Variants in SH3TC2 observed in about 807,000 individuals in gnomAD.
SH3TC2 encodes the protein SH3 domain and tetratricopeptide repeats 2.
SH3TC2 carries 87 observed loss-of-function variants against 124.5 expected under a neutral mutation model. The observed-to-expected ratio is 0.70, with a 90% CI of 0.59 to 0.84. SH3TC2 has a LOEUF of 0.84. SH3TC2 is among the 40% of genes least tolerant of loss of function. The pLI, the probability that SH3TC2 is intolerant of heterozygous loss-of-function variation, is 0.00. For synonymous variants in SH3TC2, 634 were observed against 628.5 expected, an observed-to-expected ratio of 1.01 and a Z score of -0.13; for missense variants, 1,536 against 1,566.4, an observed-to-expected ratio of 0.98 and a Z score of 0.33.
intron 4 of SH3TC2, 77 bp from the exon 5 acceptor site, chr5:149,042,914 TC>T (rs1754396958): frequency 6.4e-7 from 1 of 1,571,118 alleles, no homozygotes; most frequent in African/African-American, 1.4e-5. Context: ...GTGAGAAAAT[TC>T]CCTCCTGAGC....
chr5:149,003,739 T>A lies in SH3TC2; in HGVS notation c.*972A>T. 2.3e-6 allele frequency: 1 copy of A among 440,186 alleles called. No homozygotes were observed. The highest frequency in any genetic ancestry group is 1.6e-5 in the South Asian group (1 of 61,738). 27.3% of individuals were successfully genotyped at this position (440,186 alleles called of 1,614,324 possible). A position where few individuals can be genotyped will look rare whatever the true frequency, so the allele number is the denominator to read the frequency against. The stretch of plus-strand genomic sequence containing the variant: ...TATGGCACATGCCTGTAGTTCCAGC[T>A]ACTCAGGAGGTTGACACTGGAGGAT... On this transcript the variant is annotated 3_prime_UTR_variant, in exon 17 of 17. Coordinates refer to ENST00000515425, the MANE Select transcript of SH3TC2 (RefSeq NM_024577.4).
At chr5:149,059,302 T>A (rs190519406) in intron 1 of SH3TC2, among the ~76,000 whole-genome samples, 269 of 152,148 alleles carry the variant, frequency 1.8e-3, no homozygotes, top group African/African-American at 6.2e-3. Flanking sequence ...TTCTCTACAT[T>A]AACCTGACCT....
At chr5:149,030,113 T>C (rs1754158113) in intron 9 of SH3TC2, among the ~76,000 whole-genome samples, 1 of 152,214 alleles carries the variant, frequency 6.6e-6, no homozygotes, top group Admixed American at 6.5e-5. Flanking sequence ...TCAAATGCCC[T>C]GGCCTCTCTG....
At chr5:149,033,551 G>A (rs1428504568) in intron 8 of SH3TC2, among the ~76,000 whole-genome samples, 6 of 152,178 alleles carry the variant, frequency 3.9e-5, no homozygotes, top group African/African-American at 1.4e-4. Flanking sequence ...CTTCAGAACT[G>A]GGGTTGACCT....
chr5:149,057,989 A>G (rs1384133782), intron 1 of SH3TC2, among the ~76,000 whole-genome samples: 2 of 152,232 alleles, frequency 1.3e-5, no homozygotes, highest in African/African-American at 4.8e-5. Flanking sequence ...ACTAGAAGCT[A>G]TGAATATGAC....
intron 12 of SH3TC2, among the ~76,000 whole-genome samples, chr5:149,017,235 G>A (rs927704246): frequency 2.6e-5 from 4 of 152,116 alleles, no homozygotes; most frequent in African/African-American, 9.7e-5. Flanking sequence ...AATATTTGTT[G>A]AATTGATTTA....
At position 148,991,122 on chromosome 5, in the gene SH3TC2, A is replaced by G. The variant is rs1580877993; in HGVS notation, c.*13589T>C. ...CCCAAAACGTTTAATATGACCCTTT[A>G]AAACACCAGGAACATTCACAGCAAA... On this transcript the variant is annotated 3_prime_UTR_variant, in exon 17 of 17. Coordinates refer to ENST00000515425, the MANE Select transcript of SH3TC2 (RefSeq NM_024577.4). Among the ~76,000 whole-genome samples, 1 of 152,190 alleles carries G rather than the reference A, an allele frequency of 6.6e-6. No homozygotes were observed. Among genetic ancestry groups the G allele is most frequent in the Non-Finnish European group, 1.5e-5 (1 of 68,028 alleles).
chr5:149,012,850 G>A, intron 12 of SH3TC2, 116 bp from the exon 13 acceptor site: 1 of 1,188,924 alleles, frequency 8.4e-7, no homozygotes, highest in Middle Eastern at 1.9e-4. Context: ...CATCACACAG[G>A]GAGGTGGGCC....
chr5:149,051,641 A>C (rs1018227282), intron 2 of SH3TC2, among the ~76,000 whole-genome samples: 1 of 151,966 alleles, frequency 6.6e-6, no homozygotes, highest in Admixed American at 6.6e-5. Flanking sequence ...TTGTTTAGGG[A>C]TCAGGTCTCA....
chr5:149,042,572 G>T, intron 5 of SH3TC2, 122 bp downstream of exon 5: 1 of 1,224,040 alleles, frequency 8.2e-7, no homozygotes, highest in Non-Finnish European at 1.2e-6. Flanking sequence ...TAACAGGTGG[G>T]TTCATTTGTG....
At chr5:149,038,014 A>C (rs1754311402) in intron 8 of SH3TC2, among the ~76,000 whole-genome samples, 1 of 152,156 alleles carries the variant, frequency 6.6e-6, no homozygotes, top group Non-Finnish European at 1.5e-5. Flanking sequence ...TCCAAGTACC[A>C]AAACCACACC....
Position 149,031,660 on chromosome 5 carries a change from A to C in SH3TC2, c.1029T>G (p.Asp343Glu). 1 of 1,614,172 alleles carries C rather than the reference A, an allele frequency of 6.2e-7. No homozygotes were observed. Among genetic ancestry groups the C allele is most frequent in the Non-Finnish European group, 8.5e-7 (1 of 1,180,032 alleles). ...GGGCCAACAGGGAGCATCTCTCCTCATCACTGAGAAAGGCAGAGTTCCTGC... is the reference window on the plus strand; with the variant it reads ...GGGCCAACAGGGAGCATCTCTCCTCCTCACTGAGAAAGGCAGAGTTCCTGC... ...PMSRNSAFLS[D>E]EERCSLLALG... The change falls in exon 9 of 17, where the codon GAT (aspartate) becomes GAG (glutamate). Residue 343 changes from aspartate to glutamate, a missense_variant. By Grantham distance (45) the Asp-to-Glu change is conservative. Around this residue, in one of 3 missense-constraint regions of SH3TC2, gnomAD observed 1,102 missense variants for 1,098.6 expected, o/e 1.00. Coordinates refer to ENST00000515425, the MANE Select transcript of SH3TC2 (RefSeq NM_024577.4).
Position 149,052,240 on chromosome 5 carries a change from C to G in SH3TC2, c.53G>C (p.Gly18Ala). ...PRERSLTRGP[G>A]KETPSKDPTV... ...TGGATCCTTGGAAGGAGTTTCTTTA[C>G]CTGGAGAAGATGAAATAAAAGGTCA... The change falls in exon 2 of 17, where the codon GGT (glycine) becomes GCT (alanine). Residue 18 changes from glycine to alanine, a missense_variant and splice_region_variant. Gly to Ala is a moderately conservative substitution (Grantham distance 60). This residue lies in a region of SH3TC2 where 1,102 missense variants were observed against 1,098.6 expected (regional missense o/e 1.00). Coordinates refer to ENST00000515425, the MANE Select transcript of SH3TC2 (RefSeq NM_024577.4). 6.2e-7 allele frequency: 1 copy of G among 1,601,390 alleles called. No homozygotes were observed. The highest frequency in any genetic ancestry group is 8.6e-7 in the Non-Finnish European group (1 of 1,168,586).
At chr5:149,008,152 T>A (rs1753723046) in intron 15 of SH3TC2, 1 of 154,426 alleles carries the variant, frequency 6.5e-6, no homozygotes, top group Non-Finnish European at 1.4e-5. Flanking sequence ...CAGAAGACCC[T>A]CCTGGAATCA....
chr5:149,016,353 A>C (rs1169802809), intron 12 of SH3TC2, among the ~76,000 whole-genome samples: 1 of 152,182 alleles, frequency 6.6e-6, no homozygotes, highest in Admixed American at 6.5e-5. Context: ...ACTTGGGAAG[A>C]CTTTTGTTTC....
intron 12 of SH3TC2, among the ~76,000 whole-genome samples, chr5:149,020,113 A>AACACACAC (rs56088659): frequency 0.018 from 2,683 of 146,872 alleles, 54 homozygotes; most frequent in African/African-American, 0.053. Flanking sequence ...GAAAAGGTCA[A>AACACACAC]ACACACACAC....
At chr5:149,030,044 G>T (rs1754156898) in intron 9 of SH3TC2, among the ~76,000 whole-genome samples, 1 of 152,152 alleles carries the variant, frequency 6.6e-6, no homozygotes, top group Non-Finnish European at 1.5e-5. Flanking sequence ...AACCCCCAGA[G>T]GGTAGAAAGC....
chr5:149,020,447 G>A (rs76868782), intron 12 of SH3TC2, among the ~76,000 whole-genome samples: 4,988 of 152,082 alleles, frequency 0.033, 314 homozygotes, highest in Admixed American at 0.16. Flanking sequence ...TTAATACAGA[G>A]AAAAAATAGC....
Position 149,044,594 on chromosome 5 carries a change from C to G in SH3TC2, c.324G>C (p.Gln108His). 1.2e-6 allele frequency: 2 copies of G among 1,614,078 alleles called. No individual in the cohort carries two copies. The highest frequency in any genetic ancestry group is 8.5e-7 in the Non-Finnish European group (1 of 1,179,990). ...RLVSIQSQRA[Q>H]FLITFKTMEE... ...CCATGGTCTTGAAGGTGATGAGAAA[C>G]TGGGCCCTCTGAGACTGGATACTGA... Residue 108 changes from glutamine to histidine, a missense_variant, in exon 4 of 17, where the codon CAG becomes CAC. Gln to His is a conservative substitution (Grantham distance 24, BLOSUM62 0). Coordinates refer to ENST00000515425, the MANE Select transcript of SH3TC2 (RefSeq NM_024577.4).
Sources: allele counts gnomAD v4.1 joint callset (sites outside exome capture counted in the v4.1 genomes callset), GRCh38; gene constraint gnomAD v4.1.1; regional missense constraint gnomAD v4.1.1; transcripts MANE v1.5; gene names NCBI Gene and HGNC (gene_info 2026-07-23, HGNC 2026-07-21).